The following PTPN12 variants were observed in gnomAD, a reference collection of about 807,000 sequenced individuals.
PTPN12 encodes the protein tyrosine-protein phosphatase non-receptor type 12.
A neutral mutation model predicts 97.6 loss-of-function variants in PTPN12; 29 were observed. The ratio of observed to expected loss-of-function variants is 0.30; its 90% CI spans 0.22 to 0.41. PTPN12 has a LOEUF of 0.41. Ranked by LOEUF, PTPN12 falls within the 10% of genes least tolerant of loss-of-function variation. The probability of loss-of-function intolerance (pLI) is 1.00; values close to 1 mark genes in which losing one functional copy is unlikely to be tolerated. For synonymous variants in PTPN12, 327 were observed against 300.4 expected (o/e 1.09, Z -0.91); for missense variants, 819 against 926.0 (o/e 0.88, Z 1.50).
At chr7:77,626,002 T>C (rs1789167163) in intron 12 of PTPN12, among the ~76,000 whole-genome samples, 1 of 152,182 alleles carries the variant, frequency 6.6e-6, no homozygotes, top group East Asian at 1.9e-4. Context: ...ATTAGCTCTG[T>C]GATGGACTAG....
chr7:77,544,855 T>G (rs1193453898), intron 1 of PTPN12, among the ~76,000 whole-genome samples: 1 of 152,188 alleles, frequency 6.6e-6, no homozygotes, highest in Non-Finnish European at 1.5e-5. Flanking sequence ...TAAGACAGAT[T>G]TATTCTTCAG....
chr7:77,612,524 C>T (rs576480193), intron 11 of PTPN12, among the ~76,000 whole-genome samples: 9 of 152,160 alleles, frequency 5.9e-5, no homozygotes, highest in East Asian at 3.9e-4. Flanking sequence ...CCGTAACCTC[C>T]GCCTCCCAGG....
At chr7:77,636,935 A>G (rs117297214) in intron 15 of PTPN12, 83 bp from the exon 16 acceptor site, 11,595 of 1,029,038 alleles carry the variant, frequency 0.011, 94 homozygotes, top group Non-Finnish European at 0.015. Context: ...TTCTTGGGAT[A>G]TATACCCATA....
At chr7:77,544,845 T>G (rs1807140150) in intron 1 of PTPN12, among the ~76,000 whole-genome samples, 1 of 152,248 alleles carries the variant, frequency 6.6e-6, no homozygotes, top group African/African-American at 2.4e-5. Flanking sequence ...CTTAATGCTG[T>G]AAGACAGATT....
chr7:77,546,908 A>G (rs1005497822), intron 1 of PTPN12, among the ~76,000 whole-genome samples: 14 of 152,184 alleles, frequency 9.2e-5, no homozygotes, highest in Admixed American at 5.2e-4. Context: ...GGAGAATAGC[A>G]TGGGGGATTA....
Position 77,632,418 on chromosome 7 carries a change from T to G in PTPN12, c.2067T>G (p.Ser689Arg). The change falls in exon 14 of 18, where the codon AGT (serine) becomes AGG (arginine). Residue 689 changes from serine to arginine, a missense_variant. Ser to Arg is a moderately radical substitution (Grantham distance 110). This residue lies in a region of PTPN12 where 607 missense variants were observed against 577.3 expected (regional missense o/e 1.05). Coordinates refer to ENST00000248594, the MANE Select transcript of PTPN12 (RefSeq NM_002835.4). ...CTCCTGAATCGTTTGTGTTAGCAAG[T>G]GAACATAGTGAGTGTCTCTTTTGCT... is the stretch of plus-strand genomic sequence containing the variant. ...ERTPESFVLASEHNTPVRSEW... is the reference protein window; with the variant it reads ...ERTPESFVLAREHNTPVRSEW... The G allele has an allele frequency of 6.2e-7, 1 of 1,605,358 alleles. No individual in the cohort carries two copies. The highest frequency in any genetic ancestry group is 8.5e-7 in the Non-Finnish European group (1 of 1,172,260).
intron 1 of PTPN12, among the ~76,000 whole-genome samples, chr7:77,542,508 A>T (rs562291904): frequency 6.6e-6 from 1 of 152,338 alleles, no homozygotes; most frequent in Admixed American, 6.5e-5. Context: ...AAATATAAGA[A>T]GTGAGATGTG....
intron 5 of PTPN12, among the ~76,000 whole-genome samples, chr7:77,587,532 GGACA>G (rs1787730722): frequency 6.6e-6 from 1 of 152,156 alleles, no homozygotes; most frequent in South Asian, 2.1e-4. Flanking sequence ...CATTTATAGA[GGACA>G]GACAGAGTAC....
At chr7:77,630,701 A>G (rs555502901) in intron 13 of PTPN12, among the ~76,000 whole-genome samples, 2 of 152,344 alleles carry the variant, frequency 1.3e-5, no homozygotes, top group African/African-American at 2.4e-5. Flanking sequence ...AAACTTTTGC[A>G]TAAGTTACTG....
At chr7:77,571,400 T>C (rs1738706398) in intron 2 of PTPN12, among the ~76,000 whole-genome samples, 1 of 152,218 alleles carries the variant, frequency 6.6e-6, no homozygotes, top group Admixed American at 6.5e-5. Flanking sequence ...GTATCACAGT[T>C]GCTCTAATAC....
chr7:77,616,325 A>G (rs1788749819), intron 11 of PTPN12, among the ~76,000 whole-genome samples: 1 of 152,132 alleles, frequency 6.6e-6, no homozygotes, highest in African/African-American at 2.4e-5. Context: ...AGTACTGATT[A>G]TGCCACTTTG....
chr7:77,634,707 C>G (rs551253206), intron 14 of PTPN12, among the ~76,000 whole-genome samples: 1 of 151,932 alleles, frequency 6.6e-6, no homozygotes, highest in Non-Finnish European at 1.5e-5. Flanking sequence ...TCTCAAAGTG[C>G]TGGGATTACA....
intron 1 of PTPN12, among the ~76,000 whole-genome samples, chr7:77,554,691 T>C (rs564968783): frequency 2.4e-4 from 37 of 152,320 alleles, no homozygotes; most frequent in African/African-American, 8.4e-4. Flanking sequence ...TAATCTTTTC[T>C]GGGGGACAGG....
rs185706318 is a variant in PTPN12 at position 77,548,939 on chromosome 7, A to G, written c.99+11294A>G. ...CTTTGCTTCTCTGCACACCTGCTTT[A>G]CTATTACCTCTCTCTGCATTTTGAC... On this transcript the variant is annotated intron_variant, in intron 1 of 17. Transcript: ENST00000248594. Among the ~76,000 whole-genome samples the G allele has an allele frequency of 5.9e-5, 9 of 152,232 alleles. No homozygotes were observed. In the East Asian group the frequency reaches 1.7e-3, roughly 29 times the overall value.
At chr7:77,573,563 C>T (rs564399174) in intron 2 of PTPN12, among the ~76,000 whole-genome samples, 1 of 152,268 alleles carries the variant, frequency 6.6e-6, no homozygotes, top group African/African-American at 2.4e-5. Flanking sequence ...GGGAAGGACA[C>T]AAATATTCAG....
chr7:77,571,236 T>C, intron 2 of PTPN12, 50 bp downstream of exon 2: 1 of 1,131,576 alleles, frequency 8.8e-7, no homozygotes, highest in Non-Finnish European at 1.3e-6. Flanking sequence ...TAATTAGCCT[T>C]TTGTAACCTA....
Position 77,626,861 on chromosome 7 carries a change from T to G in PTPN12, c.1182T>G (p.His394Gln). ...NDRYHPKPVL[H>Q]MVSSEQHSAD... ...GATACCATCCAAAGCCAGTGTTGCA[T>G]ATGGTTTCATCAGAACAACATTCAG... The change falls in exon 13 of 18, where the codon CAT becomes CAG. Residue 394 changes from histidine to glutamine, a missense_variant. Transcript: ENST00000248594. The G allele has an allele frequency of 6.2e-7, 1 of 1,613,612 alleles. No homozygotes were observed. The highest frequency in any genetic ancestry group is 8.5e-7 in the Non-Finnish European group (1 of 1,179,578).
chr7:77,584,624 T>C (rs1432629393), intron 4 of PTPN12, among the ~76,000 whole-genome samples: 1 of 152,148 alleles, frequency 6.6e-6, no homozygotes, highest in Non-Finnish European at 1.5e-5. Context: ...ATGCCTGTAA[T>C]CCCAGCACTT....
At chr7:77,616,582 G>A (rs916509490) in intron 11 of PTPN12, among the ~76,000 whole-genome samples, 5 of 152,108 alleles carry the variant, frequency 3.3e-5, no homozygotes, top group Non-Finnish European at 7.4e-5. Context: ...TCATTGACAT[G>A]ACATGAGTTT....
Sources: gnomAD v4.1 joint callset for allele counts (sites outside exome capture counted in the v4.1 genomes callset) on GRCh38, gnomAD v4.1.1 for gene constraint, gnomAD v4.1.1 regional missense constraint, MANE v1.5 for transcripts, NCBI Gene and HGNC (gene_info 2026-07-23, HGNC 2026-07-21) for gene names.